BRSK2: variants seen among roughly 807,000 people sequenced by gnomAD.
BRSK2 encodes the protein BR serine/threonine kinase 2, also known as serine/threonine-protein kinase BRSK2.
Under a neutral mutation model 83.3 loss-of-function variants are expected in BRSK2, and 19 were observed. The ratio of observed to expected loss-of-function variants is 0.23; its 90% CI spans 0.16 to 0.33. BRSK2 has a LOEUF of 0.33. Among genes scored for constraint, BRSK2 ranks in the 10% least tolerant of loss-of-function variants. The pLI, the probability that BRSK2 is intolerant of heterozygous loss-of-function variation, is 1.00. For missense variants in BRSK2, 798 were observed against 1,042.3 expected (o/e 0.77, Z 3.23); for synonymous variants, 519 against 435.4 (o/e 1.19, Z -2.39).
chr11:1,428,817 A>G (rs1849545846), intron 1 of BRSK2, among the ~76,000 whole-genome samples: 1 of 150,736 alleles, frequency 6.6e-6, no homozygotes, highest in Non-Finnish European at 1.5e-5. Context: ...GTATGTATGC[A>G]GTCGTGTGTA....
chr11:1,457,806 C>A (rs981603932), intron 18 of BRSK2, among the ~76,000 whole-genome samples: 2 of 151,098 alleles, frequency 1.3e-5, no homozygotes, highest in African/African-American at 4.9e-5. Flanking sequence ...GGGAGCCCCC[C>A]CAGAGTGTGC....
At position 1,423,856 on chromosome 11, in the gene BRSK2, C is replaced by T. The variant is rs1848899428; in HGVS notation, c.92-12184C>T. On this transcript the variant is annotated intron_variant, in intron 1 of 19. Coordinates refer to ENST00000528841, the MANE Select transcript of BRSK2 (RefSeq NM_001256627.2). This position sits in a 1 kb window ranked among gnomAD's most constrained non-coding sequence, Gnocchi z 6.5. The stretch of plus-strand genomic sequence containing the variant: ...TCCCCCGCTGAGTGTTCCCGGTGCC[C>T]CTGGGCCTGCAGAAGTGCTCCCCCA... Among the ~76,000 whole-genome samples, 1 of 151,990 alleles carries T rather than the reference C, an allele frequency of 6.6e-6. No homozygotes were observed. The highest frequency in any genetic ancestry group is 1.5e-5 in the Non-Finnish European group (1 of 67,980).
intron 1 of BRSK2, among the ~76,000 whole-genome samples, chr11:1,400,452 C>G (rs1197156718): frequency 1.3e-5 from 2 of 152,190 alleles, no homozygotes; most frequent in Non-Finnish European, 2.9e-5. Flanking sequence ...CTTCCATAAC[C>G]CCTGACCCTG....
chr11:1,390,133 G>GCA lies in BRSK2; in HGVS notation c.-152_-151insCA. 5.5e-6 allele frequency: 1 copy of GCA among 181,310 alleles called. No individual in the cohort carries two copies. Among genetic ancestry groups the GCA allele is most frequent in the Non-Finnish European group, 1.0e-5 (1 of 97,730 alleles). 11.2% of individuals were successfully genotyped at this position (181,310 alleles called of 1,614,324 possible). On this transcript the variant is annotated 5_prime_UTR_variant, in exon 1 of 20. Coordinates refer to ENST00000528841, the MANE Select transcript of BRSK2 (RefSeq NM_001256627.2). The surrounding 1 kb of genome is among the most constrained non-coding windows in gnomAD (Gnocchi z 6.8). ...GAGTGGACGCGGGGGGCGGCGGCGC[G>GCA]GGCGGACGCGGGCGGCGCGAAGCAG...
chr11:1,402,508 C>T (rs1230978852), intron 1 of BRSK2, among the ~76,000 whole-genome samples: 1 of 152,194 alleles, frequency 6.6e-6, no homozygotes, highest in African/African-American at 2.4e-5. Context: ...GGTGGTGCTG[C>T]GTGTAACCCT....
At chr11:1,407,269 G>A (rs933748950) in intron 1 of BRSK2, among the ~76,000 whole-genome samples, 4 of 152,074 alleles carry the variant, frequency 2.6e-5, no homozygotes, top group East Asian at 1.9e-4. Context: ...ACTGGCTCCC[G>A]CTGGCCACCT....
intron 1 of BRSK2, among the ~76,000 whole-genome samples, chr11:1,405,740 C>T (rs997930219): frequency 2.0e-5 from 3 of 152,104 alleles, no homozygotes; most frequent in Non-Finnish European, 4.4e-5. Context: ...TGCTCTGTGC[C>T]GAGGTGGGGA....
At chr11:1,460,197 G>A (rs545759038) in intron 19 of BRSK2, among the ~76,000 whole-genome samples, 117 of 152,230 alleles carry the variant, frequency 7.7e-4, no homozygotes, top group African/African-American at 2.7e-3. Context: ...TGGGTCCTGC[G>A]CAACAGCTCG....
At chr11:1,410,181 G>A (rs1186873498) in intron 1 of BRSK2, among the ~76,000 whole-genome samples, 1 of 89,798 alleles carries the variant, frequency 1.1e-5, no homozygotes, top group Non-Finnish European at 2.1e-5. Flanking sequence ...GGTTTGTGAC[G>A]TCGGCCTCGC....
rs1428693168 is a variant in BRSK2 at position 1,445,363 on chromosome 11, C to T, written c.882C>T (p.Ser294=). 6.2e-7 allele frequency: 1 copy of T among 1,611,826 alleles called. No individual in the cohort carries two copies. The highest frequency in any genetic ancestry group is 1.3e-5 in the African/African-American group (1 of 74,926). The change falls in exon 10 of 20, where the codon AGC becomes AGT. Residue 294 remains serine (S), a synonymous_variant. Transcript: ENST00000528841. ...AGGTGCAGATCCGCTCGCTGCCCAG[C>T]CTGGAGGACATCGACCCCGACGTGC... ...PRKVQIRSLP[S]LEDIDPDVLD...
At chr11:1,408,603 C>T (rs535986902) in intron 1 of BRSK2, among the ~76,000 whole-genome samples, 38 of 152,316 alleles carry the variant, frequency 2.5e-4, no homozygotes, top group African/African-American at 7.2e-4. Flanking sequence ...TCCTGACAGG[C>T]GGAATTCATC....
chr11:1,440,984 C>G, intron 4 of BRSK2, 56 bp downstream of exon 4: 2 of 1,524,044 alleles, frequency 1.3e-6, no homozygotes, highest in Non-Finnish European at 1.8e-6. Context: ...ACCCAGTGCG[C>G]TACCACAGAT....
rs2133236152 is a variant in BRSK2 at position 1,454,184 on chromosome 11, C to CCTGTGGGGGGCTCAT, written c.1545-295_1545-294insGGGGCTCATCTGTGG. The CCTGTGGGGGGCTCAT allele has an allele frequency of 3.5e-6, 1 of 284,342 alleles. No homozygotes were observed. Among genetic ancestry groups the CCTGTGGGGGGCTCAT allele is most frequent in the African/African-American group, 2.2e-5 (1 of 45,074 alleles). The allele number at this position is 284,342 out of a possible 1,614,324, so 17.6% of individuals were successfully genotyped here. ...GGGGGGCTCACCTGTGGGGGGCTCA[C>CCTGTGGGGGGCTCAT]CTGTGGAGGGGCATCCCCAGACTTG... On this transcript the variant is annotated intron_variant, in intron 15 of 19. Coordinates refer to ENST00000528841, the MANE Select transcript of BRSK2 (RefSeq NM_001256627.2). The surrounding 1 kb of genome is among the most constrained non-coding windows in gnomAD (Gnocchi z 5.2).
At chr11:1,391,482 C>T (rs1020733888) in intron 1 of BRSK2, among the ~76,000 whole-genome samples, 1 of 152,142 alleles carries the variant, frequency 6.6e-6, no homozygotes, top group Non-Finnish European at 1.5e-5. Context: ...TGGGGGAGGG[C>T]CGTGGCTGTG....
At chr11:1,451,149 T>G (rs1228408529) in intron 14 of BRSK2, among the ~76,000 whole-genome samples, 1 of 152,162 alleles carries the variant, frequency 6.6e-6, no homozygotes, top group Non-Finnish European at 1.5e-5. Flanking sequence ...ACAGCCGACT[T>G]CAGCACCAGA....
chr11:1,460,238 A>G (rs890713552), intron 19 of BRSK2, among the ~76,000 whole-genome samples: 2 of 152,006 alleles, frequency 1.3e-5, no homozygotes, highest in Non-Finnish European at 2.9e-5. Flanking sequence ...TCCTGGCCCC[A>G]CGGCGCACAG....
At chr11:1,396,573 G>A (rs944742954) in intron 1 of BRSK2, among the ~76,000 whole-genome samples, 20 of 152,210 alleles carry the variant, frequency 1.3e-4, no homozygotes, top group Admixed American at 3.9e-4. Context: ...GTGCCTCCCC[G>A]TCGGCCACTG....
intron 1 of BRSK2, among the ~76,000 whole-genome samples, chr11:1,407,901 C>T (rs1367049338): frequency 6.6e-6 from 1 of 152,210 alleles, no homozygotes; most frequent in Non-Finnish European, 1.5e-5. Context: ...GATCCACAGC[C>T]TCAGGGCACC....
chr11:1,423,788 TGCCCCAGGCCTCCCCCGCTGGGCGTTCC>T lies in BRSK2; in HGVS notation c.92-12250_92-12223del, dbSNP rs1848886212. ...GGCCTCCCCCGCTGGGCGTTCCGGG[TGCCCCAGGCCTCCCCCGCTGGGCGTTCC>T]GGGTGCCCCAGGCCTCCCCCGCTGA... On this transcript the variant is annotated intron_variant, in intron 1 of 19. Coordinates refer to ENST00000528841, the MANE Select transcript of BRSK2 (RefSeq NM_001256627.2). The surrounding 1 kb of genome is among the most constrained non-coding windows in gnomAD (Gnocchi z 6.5). 1.3e-5 allele frequency among the ~76,000 whole-genome samples: 2 copies of T among 148,336 alleles called. No homozygotes were observed. The highest frequency in any genetic ancestry group is 6.7e-5 in the Admixed American group (1 of 14,934).
Sources: gnomAD v4.1 joint callset for allele counts (sites outside exome capture counted in the v4.1 genomes callset) on GRCh38, gnomAD v4.1.1 for gene constraint, Gnocchi (gnomAD v3.1) non-coding constraint, MANE v1.5 for transcripts, NCBI Gene and HGNC (gene_info 2026-07-23, HGNC 2026-07-21) for gene names.